DENND2A: variants seen among roughly 807,000 people sequenced by gnomAD.
DENND2A encodes the protein DENN domain containing 2A, also known as DENN domain-containing protein 2A.
A neutral mutation model predicts 105.3 loss-of-function variants in DENND2A; 53 were observed. That is an observed-to-expected ratio of 0.50 (90% CI 0.40 to 0.63). DENND2A has a LOEUF of 0.63. DENND2A is among the 30% of genes least tolerant of loss of function. DENND2A has a pLI of 0.00. For missense variants in DENND2A, 1,138 were observed against 1,279.6 expected (o/e 0.89, Z 1.69); for synonymous variants, 522 against 508.4 (o/e 1.03, Z -0.36).
chr7:140,577,648 G>C lies in DENND2A; in HGVS notation c.1246-3640C>G, dbSNP rs149813928. On this transcript the variant is annotated intron_variant, in intron 5 of 19. Coordinates refer to ENST00000496613, the MANE Select transcript of DENND2A (RefSeq NM_015689.5). ...CCTGACCTTAGGTGATCTGCCTACT[G>C]TGGCCTCCCAAAGTGCTGGGATTAT... is the stretch of plus-strand genomic sequence containing the variant. 1.5e-4 allele frequency among the ~76,000 whole-genome samples: 23 copies of C among 152,130 alleles called. No individual in the cohort carries two copies. The East Asian group carries it at 4.1e-3, about 27-fold the overall frequency.
chr7:140,626,468 C>T (rs1431932478), intron 1 of DENND2A, among the ~76,000 whole-genome samples: 2 of 152,292 alleles, frequency 1.3e-5, no homozygotes, highest in East Asian at 1.9e-4. Flanking sequence ...TGGACAGCCT[C>T]GGGGCCTGTG....
intron 14 of DENND2A, among the ~76,000 whole-genome samples, chr7:140,536,414 T>C (rs1451052174): frequency 6.6e-6 from 1 of 151,470 alleles, no homozygotes. Context: ...GTGGCTGCAG[T>C]GCATCCAAAA....
At chr7:140,638,073 G>A (rs1487080962) in intron 1 of DENND2A, among the ~76,000 whole-genome samples, 1 of 151,750 alleles carries the variant, frequency 6.6e-6, no homozygotes, top group African/African-American at 2.4e-5. Context: ...CAGCAACGAA[G>A]ATTTTTTTTT....
At chr7:140,635,051 C>T (rs1460404533) in intron 1 of DENND2A, among the ~76,000 whole-genome samples, 2 of 151,880 alleles carry the variant, frequency 1.3e-5, no homozygotes, top group Non-Finnish European at 2.9e-5. Context: ...TTGCTTGAGT[C>T]CAGGAGTTTG....
At chr7:140,525,876 A>G in intron 15 of DENND2A, 84 bp from the exon 16 acceptor site, 1 of 1,203,868 alleles carries the variant, frequency 8.3e-7, no homozygotes, top group African/African-American at 1.6e-5. Context: ...CCTTCTTGGC[A>G]TGCAGAGAGG....
intron 1 of DENND2A, among the ~76,000 whole-genome samples, chr7:140,611,889 G>A (rs770860860): frequency 6.6e-5 from 10 of 152,134 alleles, no homozygotes; most frequent in East Asian, 1.9e-4. Context: ...ATTTCATAGC[G>A]GTGATAGTTG....
chr7:140,623,878 T>C (rs1182159439), intron 1 of DENND2A, among the ~76,000 whole-genome samples: 3 of 152,210 alleles, frequency 2.0e-5, no homozygotes, highest in Non-Finnish European at 4.4e-5. Context: ...TCTGGCCTTA[T>C]ATTGACATGG....
intron 1 of DENND2A, among the ~76,000 whole-genome samples, chr7:140,608,548 T>C (rs1799775218): frequency 6.6e-6 from 1 of 151,894 alleles, no homozygotes; most frequent in Admixed American, 6.6e-5. Context: ...TGCTGGTGCA[T>C]GCCTGCAGTC....
chr7:140,535,645 C>T (rs1273420491), intron 14 of DENND2A, among the ~76,000 whole-genome samples: 1 of 151,156 alleles, frequency 6.6e-6, no homozygotes, highest in Non-Finnish European at 1.5e-5. Context: ...GCAATGGCGT[C>T]GTCTCAGCTC....
chr7:140,630,920 A>C (rs372365521), intron 1 of DENND2A, among the ~76,000 whole-genome samples: 1 of 152,204 alleles, frequency 6.6e-6, no homozygotes, highest in Non-Finnish European at 1.5e-5. Context: ...GAGCCCAACA[A>C]GCAGAATGGC....
At chr7:140,641,234 G>C (rs1801194970), upstream of DENND2A, among the ~76,000 whole-genome samples, 2 of 151,976 alleles carry the variant, frequency 1.3e-5, no homozygotes, top group African/African-American at 2.4e-5. Context: ...GCAGCTTGCC[G>C]TCGGGCCGGG....
At chr7:140,525,660 C>T in intron 16 of DENND2A, 91 bp downstream of exon 16, 2 of 1,258,842 alleles carry the variant, frequency 1.6e-6, no homozygotes, top group South Asian at 1.7e-5. Flanking sequence ...TCTGCAATCC[C>T]AAAGAGCCTT....
intron 1 of DENND2A, among the ~76,000 whole-genome samples, chr7:140,625,948 C>A (rs1800509011): frequency 6.6e-6 from 1 of 152,186 alleles, no homozygotes; most frequent in Non-Finnish European, 1.5e-5. Context: ...AAATTGAGCA[C>A]TTACTATTCC....
intron 10 of DENND2A, among the ~76,000 whole-genome samples, chr7:140,558,871 C>A (rs1200981582): frequency 6.8e-6 from 1 of 146,124 alleles, no homozygotes; most frequent in Non-Finnish European, 1.5e-5. Context: ...GGTGTGATCT[C>A]GGCTCACCAC....
intron 1 of DENND2A, among the ~76,000 whole-genome samples, chr7:140,610,512 C>T (rs188238538): frequency 6.6e-6 from 1 of 152,058 alleles, no homozygotes; most frequent in East Asian, 1.9e-4. Flanking sequence ...TTGCTCCAGA[C>T]TGACATTGCT....
chr7:140,544,877 G>A lies in DENND2A; in HGVS notation c.2179-111C>T, dbSNP rs560846768. On this transcript the variant is annotated intron_variant, in intron 13 of 19. Coordinates refer to ENST00000496613, the MANE Select transcript of DENND2A (RefSeq NM_015689.5). ...GGTCCTCATCAGGGGTGACCCACTG[G>A]TGGGGGAAAAGGGAAAGAAAAAAAG... 7.4e-6 allele frequency: 11 copies of A among 1,487,942 alleles called. 1 individual carries two copies. The South Asian group carries it at 1.3e-4, about 18-fold the overall frequency. The allele number at this position is 1,487,942 out of a possible 1,614,324, so 92.2% of individuals were successfully genotyped here. A position where few individuals can be genotyped will look rare whatever the true frequency, so the allele number is the denominator to read the frequency against.
rs1796116124 is a variant in DENND2A, at chr7:140,527,705, T to A, written c.2328-210A>T. Among the ~76,000 whole-genome samples the A allele has an allele frequency of 6.6e-6, 1 of 152,040 alleles. No individual in the cohort carries two copies. The highest frequency in any genetic ancestry group is 2.1e-4 in the South Asian group (1 of 4,818). On this transcript the variant is annotated intron_variant, in intron 14 of 19. Coordinates refer to ENST00000496613, the MANE Select transcript of DENND2A (RefSeq NM_015689.5). This position sits in a 1 kb window ranked among gnomAD's most constrained non-coding sequence, Gnocchi z 4.9. The stretch of plus-strand genomic sequence containing the variant: ...TTGCAGGCACAGCTACAGGGATGAG[T>A]TTAACGTCCTGGATAATTTTTACAA...
intron 17 of DENND2A, among the ~76,000 whole-genome samples, chr7:140,522,809 T>C (rs1243145690): frequency 6.6e-6 from 1 of 151,560 alleles, no homozygotes; most frequent in East Asian, 1.9e-4. Context: ...GTTTTCACCA[T>C]ATTGGCCAGG....
Position 140,559,590 on chromosome 7 carries a change from C to G in DENND2A, c.1889+118G>C, listed in dbSNP as rs760071628. On this transcript the variant is annotated intron_variant, in intron 10 of 19. Transcript: ENST00000496613. The surrounding 1 kb of genome is among the most constrained non-coding windows in gnomAD (Gnocchi z 4.1). ...AACACCCCTTGGGGAAAGCTCTAGG[C>G]CAGGCCCATCAGGATTACTTAACGG... is the stretch of plus-strand genomic sequence containing the variant. 5.7e-5 allele frequency: 42 copies of G among 738,448 alleles called. No homozygotes were observed. Among genetic ancestry groups the G allele is most frequent in the Non-Finnish European group, 8.9e-5 (39 of 437,738 alleles). 45.7% of individuals were successfully genotyped at this position (738,448 alleles called of 1,614,324 possible).
Sources: allele counts gnomAD v4.1 joint callset (sites outside exome capture counted in the v4.1 genomes callset), GRCh38; gene constraint gnomAD v4.1.1; non-coding constraint Gnocchi (gnomAD v3.1); transcripts MANE v1.5; gene names NCBI Gene and HGNC (gene_info 2026-07-23, HGNC 2026-07-21).